Variants in SYT12 observed in about 807,000 individuals in gnomAD.
SYT12 encodes the protein synaptotagmin-12.
In SYT12, 27 loss-of-function variants were observed where a neutral mutation model predicts 39.5. The observed-to-expected ratio is 0.68, with a 90% CI of 0.50 to 0.94. The LOEUF (loss-of-function observed/expected upper bound fraction) is 0.94. Among genes scored for constraint, SYT12 ranks in the 40% least tolerant of loss-of-function variants. The pLI is 0.00. For missense variants in SYT12, 536 were observed against 572.6 expected (o/e 0.94, Z 0.65); for synonymous variants, 233 against 239.7 (o/e 0.97, Z 0.26).
chr11:67,044,908 A>T (rs1344494179), intron 6 of SYT12, among the ~76,000 whole-genome samples, 195 bp downstream of exon 6: 2 of 151,712 alleles, frequency 1.3e-5, no homozygotes, highest in Admixed American at 6.6e-5. Context: ...CCGGGGAAAC[A>T]TGAGATCCCT....
chr11:67,040,329 C>G, intron 4 of SYT12, 126 bp downstream of exon 4: 3 of 1,320,444 alleles, frequency 2.3e-6, no homozygotes, highest in Non-Finnish European at 3.1e-6. Flanking sequence ...GATGCTGATC[C>G]CAGAGCTGAA....
chr11:67,033,936 G>T (rs907584886), intron 2 of SYT12, among the ~76,000 whole-genome samples: 1 of 152,166 alleles, frequency 6.6e-6, no homozygotes, highest in Non-Finnish European at 1.5e-5. Context: ...GAGAGAGAAG[G>T]TTATTGACTC....
chr11:67,043,338 A>G (rs575479036), intron 4 of SYT12, among the ~76,000 whole-genome samples: 17 of 152,330 alleles, frequency 1.1e-4, no homozygotes, highest in African/African-American at 4.1e-4. Context: ...AAAGATGGAG[A>G]CCAGCTCGTC....
At chr11:67,046,679 A>G (rs540682644) in intron 7 of SYT12, among the ~76,000 whole-genome samples, 2 of 152,246 alleles carry the variant, frequency 1.3e-5, no homozygotes, top group South Asian at 4.1e-4. Flanking sequence ...CAGGCTGCCC[A>G]TGTGTCCTCT....
chr11:67,043,039 T>G (rs528601346), intron 4 of SYT12, among the ~76,000 whole-genome samples: 46 of 152,050 alleles, frequency 3.0e-4, no homozygotes, highest in African/African-American at 1.1e-3. Flanking sequence ...GACTAAAGCA[T>G]CCCCCTTATT....
chr11:67,048,683 A>G lies in SYT12; in HGVS notation c.1192A>G (p.Thr398Ala). 3 of 1,612,672 alleles carry G rather than the reference A, an allele frequency of 1.9e-6. No homozygotes were observed. Among genetic ancestry groups the G allele is most frequent in the Non-Finnish European group, 2.5e-6 (3 of 1,178,996 alleles). ...TGGGCCGTCAGCCAGTGGCATGGGA[A>G]CCACACATTGGAACCAGATGTTGGC... ...IIGPSASGMG[T>A]THWNQMLATL... Residue 398 changes from threonine (T) to alanine (A), a missense_variant, in exon 8 of 8, where the codon ACC (threonine) becomes GCC (alanine). Physicochemically the swap from Thr to Ala is moderately conservative, Grantham distance 58. Coordinates refer to ENST00000527043, the MANE Select transcript of SYT12 (RefSeq NM_177963.4).
intron 7 of SYT12, among the ~76,000 whole-genome samples, chr11:67,046,783 C>T (rs757866284): frequency 2.0e-5 from 3 of 152,186 alleles, no homozygotes; most frequent in Admixed American, 6.5e-5. Context: ...GGAGAGAGAT[C>T]GGGCTGGGTT....
At chr11:67,030,071 G>A (rs910598159) in intron 1 of SYT12, 51 bp from the exon 2 acceptor site, 19 of 1,582,306 alleles carry the variant, frequency 1.2e-5, no homozygotes, top group East Asian at 4.5e-5. Flanking sequence ...ACCTAGGAGC[G>A]GGACGCTGAC....
At chr11:67,044,789 C>A (rs747011088) in intron 6 of SYT12, 76 bp downstream of exon 6, 5 of 1,585,234 alleles carry the variant, frequency 3.2e-6, no homozygotes, top group Non-Finnish European at 2.6e-6. Context: ...GCTGTGGGCA[C>A]CCGGAGGCAT....
chr11:67,019,896 C>CA (rs71461631), upstream of SYT12, among the ~76,000 whole-genome samples: 39,043 of 116,418 alleles, frequency 0.34, 5,668 homozygotes, highest in Non-Finnish European at 0.37. Context: ...GACCCTGTCT[C>CA]AAAAAAAAAA....
intron 3 of SYT12, among the ~76,000 whole-genome samples, chr11:67,015,152 C>T (rs374829736): frequency 1.3e-5 from 2 of 152,180 alleles, no homozygotes; most frequent in Admixed American, 6.5e-5. Flanking sequence ...TCCAGAGCCG[C>T]GGCTCCTTCT....
At chr11:67,044,829 C>A in intron 6 of SYT12, 116 bp downstream of exon 6, 1 of 1,471,302 alleles carries the variant, frequency 6.8e-7, no homozygotes, top group Non-Finnish European at 9.2e-7. Context: ...TGCCAAGGTC[C>A]CCCTCAGCTT....
chr11:67,028,812 G>A (rs765590115), intron 1 of SYT12: 4 of 152,216 alleles, frequency 2.6e-5, no homozygotes, highest in Admixed American at 1.3e-4. Context: ...TTTCTTTAAA[G>A]TGCCAGAAGA....
intron 1 of SYT12, among the ~76,000 whole-genome samples, chr11:67,008,579 C>T (rs1427784255): frequency 6.6e-6 from 1 of 151,930 alleles, no homozygotes; most frequent in Non-Finnish European, 1.5e-5. Context: ...GAGACAGAGT[C>T]TCACCCTGTT....
At chr11:67,017,373 T>G (rs984673482) in intron 3 of SYT12, among the ~76,000 whole-genome samples, 2 of 151,514 alleles carry the variant, frequency 1.3e-5, no homozygotes, top group East Asian at 3.9e-4. Context: ...TTTTTTTTTT[T>G]TTTTGAGACG....
chr11:67,010,152 T>C (rs1286488656), intron 2 of SYT12: 3 of 152,432 alleles, frequency 2.0e-5, no homozygotes, highest in African/African-American at 7.2e-5. Flanking sequence ...ATCTGACCTT[T>C]GATTTCTGGC....
chr11:67,024,192 C>G (rs1421760665), intron 1 of SYT12, among the ~76,000 whole-genome samples: 1 of 152,232 alleles, frequency 6.6e-6, no homozygotes, highest in African/African-American at 2.4e-5. Flanking sequence ...GTGCACCCTC[C>G]TCCATTCCCA....
intron 3 of SYT12, among the ~76,000 whole-genome samples, chr11:67,037,352 A>C (rs536967041): frequency 2.0e-5 from 3 of 152,180 alleles, no homozygotes; most frequent in African/African-American, 7.2e-5. Flanking sequence ...ATAAATGTCC[A>C]ACAGTGGGGA....
At chr11:67,038,643 C>T (rs1037220670) in intron 3 of SYT12, among the ~76,000 whole-genome samples, 1 of 152,136 alleles carries the variant, frequency 6.6e-6, no homozygotes, top group East Asian at 1.9e-4. Flanking sequence ...AACATCACTG[C>T]AATCGACAAC....
Sources: allele counts gnomAD v4.1 joint callset (sites outside exome capture counted in the v4.1 genomes callset), GRCh38; gene constraint gnomAD v4.1.1; transcripts MANE v1.5; gene names NCBI Gene and HGNC (gene_info 2026-07-23, HGNC 2026-07-21).